NME7: variants seen among roughly 807,000 people sequenced by gnomAD.
NME7 encodes NME/NM23 family member 7, also known as nucleoside diphosphate kinase 7.
In NME7, 41 loss-of-function variants were observed where a neutral mutation model predicts 49.1. That is an observed-to-expected ratio of 0.83 (90% CI 0.65 to 1.08). NME7 has a LOEUF of 1.08. NME7 is among the 50% of genes least tolerant of loss of function. The pLI, the probability that NME7 is intolerant of heterozygous loss-of-function variation, is 0.00. For missense variants in NME7, 423 were observed against 463.4 expected (o/e 0.91, Z 0.80); for synonymous variants, 139 against 150.6 (o/e 0.92, Z 0.56).
chr1:169,203,128 A>G (rs559106254), intron 10 of NME7, among the ~76,000 whole-genome samples: 9 of 152,138 alleles, frequency 5.9e-5, no homozygotes, highest in Non-Finnish European at 8.8e-5. Context: ...CAGGCTTGCA[A>G]TGGAAAATTC....
At chr1:169,288,005 C>T (rs139816141) in intron 6 of NME7, among the ~76,000 whole-genome samples, 1 of 152,216 alleles carries the variant, frequency 6.6e-6, no homozygotes, top group African/African-American at 2.4e-5. Context: ...TCACACTAAT[C>T]AGTTCTTTTA....
At chr1:169,133,283 A>AAAG (rs1339823788) in intron 11 of NME7, among the ~76,000 whole-genome samples, 1 of 152,034 alleles carries the variant, frequency 6.6e-6, no homozygotes, top group African/African-American at 2.4e-5. Flanking sequence ...TATAATTATT[A>AAAG]AAGATTTAGT....
chr1:169,226,437 AG>A (rs1647346082), intron 10 of NME7, among the ~76,000 whole-genome samples: 1 of 152,204 alleles, frequency 6.6e-6, no homozygotes, highest in African/African-American at 2.4e-5. Flanking sequence ...AATGGAGAAA[AG>A]GAATCAAATG....
At chr1:169,319,690 A>C (rs1651782112) in intron 3 of NME7, among the ~76,000 whole-genome samples, 1 of 152,160 alleles carries the variant, frequency 6.6e-6, no homozygotes, top group Non-Finnish European at 1.5e-5. Flanking sequence ...TTGACTTCAT[A>C]ATTTTTCTTC....
chr1:169,147,895 T>C (rs1490248484), intron 11 of NME7, among the ~76,000 whole-genome samples: 1 of 152,240 alleles, frequency 6.6e-6, no homozygotes, highest in Non-Finnish European at 1.5e-5. Context: ...GATATAGCGA[T>C]TGTTATAACT....
intron 11 of NME7, among the ~76,000 whole-genome samples, chr1:169,157,641 C>T (rs948678722): frequency 7.9e-5 from 12 of 152,198 alleles, no homozygotes; most frequent in Non-Finnish European, 1.8e-4. Flanking sequence ...TTCCCCCATT[C>T]AGAGACTGGA....
intron 10 of NME7, among the ~76,000 whole-genome samples, chr1:169,182,008 G>C (rs546272972): frequency 6.6e-6 from 1 of 151,958 alleles, no homozygotes; most frequent in African/African-American, 2.4e-5. Flanking sequence ...TATATCTTTA[G>C]ACGACTCTTT....
rs78310981 is a variant in NME7, at chr1:169,276,703, C to T, written c.754+10600G>A. On this transcript the variant is annotated intron_variant, in intron 7 of 11. Transcript: ENST00000367811. ...CTATTTCCTTCAGTTCTGCTCTGATCTTAGTTATTTCTTGCCTTCTGCTAG... is the reference window on the plus strand; with the variant it reads ...CTATTTCCTTCAGTTCTGCTCTGATTTTAGTTATTTCTTGCCTTCTGCTAG... Among the ~76,000 whole-genome samples, 9,139 of 132,104 alleles carry T rather than the reference C, an allele frequency of 0.069. 2,602 individuals are homozygous for T. The East Asian group carries it at 0.75, about 11-fold the overall frequency. 86.7% of individuals were successfully genotyped at this position (132,104 alleles called of 152,430 possible).
At chr1:169,366,532 G>A (rs1174286754) in intron 1 of NME7, among the ~76,000 whole-genome samples, 1 of 152,136 alleles carries the variant, frequency 6.6e-6, no homozygotes, top group Admixed American at 6.5e-5. Context: ...GGAAAAGGCT[G>A]AACGCACAGG....
intron 8 of NME7, among the ~76,000 whole-genome samples, chr1:169,235,863 T>C (rs1052746588): frequency 1.3e-5 from 2 of 152,162 alleles, no homozygotes; most frequent in African/African-American, 4.8e-5. Context: ...GAGGGACTTA[T>C]TCTTATCAAG....
At chr1:169,311,244 C>G (rs1295583883) in intron 3 of NME7, among the ~76,000 whole-genome samples, 1 of 151,702 alleles carries the variant, frequency 6.6e-6, no homozygotes, top group Non-Finnish European at 1.5e-5. Context: ...CGGTGAAACC[C>G]CGTCTCTACT....
intron 7 of NME7, among the ~76,000 whole-genome samples, chr1:169,279,145 C>T (rs145268753): frequency 1.3e-3 from 198 of 152,292 alleles, no homozygotes; most frequent in African/African-American, 4.5e-3. Context: ...GGTCAGGGAC[C>T]CACTTGAGGA....
chr1:169,270,091 T>C (rs1035462813), intron 7 of NME7, among the ~76,000 whole-genome samples: 1 of 133,740 alleles, frequency 7.5e-6, no homozygotes, highest in African/African-American at 2.5e-5. Flanking sequence ...TTTATAAGAA[T>C]TTTCTACACA....
intron 1 of NME7, among the ~76,000 whole-genome samples, chr1:169,348,406 G>C (rs1233361772): frequency 6.9e-6 from 1 of 144,046 alleles, no homozygotes; most frequent in African/African-American, 2.6e-5. Flanking sequence ...TAATCCCAAA[G>C]ATGACCATTT....
intron 1 of NME7, among the ~76,000 whole-genome samples, chr1:169,362,192 A>T (rs921979352): frequency 8.5e-5 from 13 of 152,248 alleles, no homozygotes; most frequent in African/African-American, 3.1e-4. Context: ...AGGGTGATAG[A>T]GTGAGACTGT....
At chr1:169,163,381 A>C (rs1171355091) in intron 11 of NME7, among the ~76,000 whole-genome samples, 2 of 152,118 alleles carry the variant, frequency 1.3e-5, no homozygotes, top group African/African-American at 4.8e-5. Context: ...AGCCATCTAG[A>C]AAAATTTCTG....
Position 169,195,976 on chromosome 1 carries a change from A to G in NME7, c.991-26422T>C, listed in dbSNP as rs543160604. ...AGTAATTGAGTGTTAGGCTGTTACA[A>G]CTATAAATGTGGGTGGGAAAAGGTA... On this transcript the variant is annotated intron_variant, in intron 10 of 11. Transcript: ENST00000367811. Among the ~76,000 whole-genome samples, 73 of 152,308 alleles carry G rather than the reference A, an allele frequency of 4.8e-4. No individual in the cohort carries two copies. In the Middle Eastern group the frequency reaches 0.01, roughly 21 times the overall value.
In NME7 at chr1:169,194,660, T is replaced by C. The variant is rs1039735318; in HGVS notation, c.991-25106A>G. Among the ~76,000 whole-genome samples the C allele has an allele frequency of 3.3e-5, 5 of 152,226 alleles. No individual in the cohort carries two copies. The East Asian group carries it at 9.6e-4, about 29-fold the overall frequency. On this transcript the variant is annotated intron_variant, in intron 10 of 11. Coordinates refer to ENST00000367811, the MANE Select transcript of NME7 (RefSeq NM_013330.5). ...AGAATGAGGTGTTGCCCAATTCTAG[T>C]ATCACAAATAAAAGTCAATTAAGAT...
In NME7 at chr1:169,237,701, A is replaced by C. The variant is rs1370773920; in HGVS notation, c.755-14T>G. On this transcript the variant is annotated splice_polypyrimidine_tract_variant and intron_variant, in intron 7 of 11. Coordinates refer to ENST00000367811, the MANE Select transcript of NME7 (RefSeq NM_013330.5). ...TTCCCAACAGTCCTGAAAATGAAGG[A>C]CAATGAGTGAAAAAATACAAAATTT... 6.3e-7 allele frequency: 1 copy of C among 1,593,782 alleles called. No individual in the cohort carries two copies. Among genetic ancestry groups the C allele is most frequent in the Non-Finnish European group, 8.5e-7 (1 of 1,170,054 alleles).
Sources: gnomAD v4.1 joint callset for allele counts (sites outside exome capture counted in the v4.1 genomes callset) on GRCh38, gnomAD v4.1.1 for gene constraint, MANE v1.5 for transcripts, NCBI Gene and HGNC (gene_info 2026-07-23, HGNC 2026-07-21) for gene names.